Variants in ASPH observed in about 807,000 individuals in gnomAD.
ASPH encodes aspartyl/asparaginyl beta-hydroxylase.
A neutral mutation model predicts 118.4 loss-of-function variants in ASPH; 100 were observed. The observed-to-expected ratio is 0.84, with a 90% CI of 0.72 to 1.00. ASPH has a LOEUF of 1.00. ASPH is among the 50% of genes least tolerant of loss of function. The pLI is 0.00. For synonymous variants in ASPH, 315 were observed against 325.6 expected (o/e 0.97, Z 0.35); for missense variants, 920 against 919.5 (o/e 1.00, Z -0.01).
intron 15 of ASPH, chr8:61,583,202 C>G (rs1415150204): frequency 6.6e-6 from 1 of 151,960 alleles, no homozygotes; most frequent in Non-Finnish European, 1.5e-5. Context: ...CTTTTTGCAT[C>G]AAGGAGCTAT....
At chr8:61,577,701 TGAG>T (rs1835823920) in intron 15 of ASPH, among the ~76,000 whole-genome samples, 1 of 151,684 alleles carries the variant, frequency 6.6e-6, no homozygotes, top group Non-Finnish European at 1.5e-5. Context: ...GAGAGAAGAG[TGAG>T]GAGCGAAGGG....
At chr8:61,695,587 C>T (rs1480628281) in intron 1 of ASPH, among the ~76,000 whole-genome samples, 2 of 152,226 alleles carry the variant, frequency 1.3e-5, no homozygotes, top group African/African-American at 4.8e-5. Context: ...TTCCTCACTT[C>T]CCTTACTCTC....
intron 14 of ASPH, among the ~76,000 whole-genome samples, chr8:61,597,413 C>G (rs1337590113): frequency 6.6e-6 from 1 of 151,956 alleles, no homozygotes; most frequent in Non-Finnish European, 1.5e-5. Flanking sequence ...ATAAATCAAC[C>G]AAATAACCAA....
intron 3 of ASPH, chr8:61,675,730 C>A: frequency 9.5e-7 from 1 of 1,057,986 alleles, no homozygotes; most frequent in Non-Finnish European, 1.1e-6. Flanking sequence ...CAAGGGTTAA[C>A]CACAACACAA....
At chr8:61,601,937 T>G (rs912695621) in intron 14 of ASPH, among the ~76,000 whole-genome samples, 4 of 151,440 alleles carry the variant, frequency 2.6e-5, no homozygotes, top group Admixed American at 2.6e-4. Context: ...AATAAACAAA[T>G]AACCTGAATA....
intron 18 of ASPH, among the ~76,000 whole-genome samples, chr8:61,561,125 A>T (rs1829787476): frequency 9.9e-6 from 1 of 101,418 alleles, no homozygotes; most frequent in Non-Finnish European, 2.0e-5. Flanking sequence ...GGAGGGAGGG[A>T]GGGAGGGAGG....
Position 61,560,347 on chromosome 8 carries a change from T to C in ASPH, c.1437+2397A>G, listed in dbSNP as rs978741220. On this transcript the variant is annotated intron_variant, in intron 18 of 24. Coordinates refer to ENST00000379454, the MANE Select transcript of ASPH (RefSeq NM_004318.4). The stretch of plus-strand genomic sequence containing the variant: ...CACACCATTTTAAAGCCAGTTTCTT[T>C]GTTGCAACTAAAAGCAGCAAAAAGC... Among the ~76,000 whole-genome samples, 3 of 152,212 alleles carry C rather than the reference T, an allele frequency of 2.0e-5. No homozygotes were observed. The South Asian group carries it at 6.2e-4, about 32-fold the overall frequency.
rs539098564 is a variant in ASPH, at chr8:61,578,900, G to A, written c.1063-2042C>T. 1.2e-4 allele frequency: 198 copies of A among 1,612,252 alleles called. No homozygotes were observed. The African/African-American group carries it at 2.3e-3, about 18-fold the overall frequency. On this transcript the variant is annotated intron_variant, in intron 15 of 24. Transcript: ENST00000379454. ...ACGAGATCAACTTCCTCAGGCAGCT[G>A]TACGAAAAGGAGATCCGGGAGCTGC...
chr8:61,684,177 C>G lies in ASPH; in HGVS notation c.115G>C (p.Gly39Arg). Reference sequence around the variant, plus strand: ...CCTTTCCTCCCATTCTTGTGTCCTCCATGCTTTGTCTCTGTTTAGAAATAA... The same window carrying G: ...CCTTTCCTCCCATTCTTGTGTCCTCGATGCTTTGTCTCTGTTTAGAAATAA... Reference protein sequence around the residue: ...SPGARRETKHGGHKNGRKGGL... With the variant: ...SPGARRETKHRGHKNGRKGGL... The change falls in exon 2 of 25, where the codon GGA (glycine) becomes CGA (arginine). Residue 39 changes from glycine (G) to arginine (R), a missense_variant. Transcript: ENST00000379454. The G allele has an allele frequency of 6.2e-7, 1 of 1,611,718 alleles. No individual in the cohort carries two copies. Among genetic ancestry groups the G allele is most frequent in the Admixed American group, 1.7e-5 (1 of 59,614 alleles).
At chr8:61,611,413 A>C (rs918628064) in intron 14 of ASPH, among the ~76,000 whole-genome samples, 10 of 152,034 alleles carry the variant, frequency 6.6e-5, no homozygotes, top group African/African-American at 2.2e-4. Context: ...TCGGCCACAC[A>C]GGTCAGCTTT....
intron 14 of ASPH, among the ~76,000 whole-genome samples, chr8:61,598,359 T>C (rs1345659846): frequency 6.6e-6 from 1 of 152,148 alleles, no homozygotes; most frequent in African/African-American, 2.4e-5. Flanking sequence ...AGTAGCTATT[T>C]TATTATCAGA....
intron 14 of ASPH, among the ~76,000 whole-genome samples, chr8:61,617,619 C>T (rs959214863): frequency 6.6e-6 from 1 of 151,960 alleles, no homozygotes; most frequent in Non-Finnish European, 1.5e-5. Flanking sequence ...TTTAGAAATG[C>T]ATAACTAAGT....
At chr8:61,654,598 C>A (rs747634796) in intron 3 of ASPH, among the ~76,000 whole-genome samples, 1 of 152,098 alleles carries the variant, frequency 6.6e-6, no homozygotes, top group Non-Finnish European at 1.5e-5. Flanking sequence ...ATTTTCATTT[C>A]GATGTATTAC....
At chr8:61,548,885 C>CT (rs1185781907) in intron 20 of ASPH, among the ~76,000 whole-genome samples, 1 of 152,158 alleles carries the variant, frequency 6.6e-6, no homozygotes, top group Non-Finnish European at 1.5e-5. Context: ...CAACATGATA[C>CT]TACTTGCCTC....
intron 24 of ASPH, among the ~76,000 whole-genome samples, chr8:61,508,969 C>A (rs1254659481): frequency 6.6e-6 from 1 of 152,214 alleles, no homozygotes; most frequent in Non-Finnish European, 1.5e-5. Flanking sequence ...TGGGATGGCA[C>A]ACACTGTAAG....
At chr8:61,512,206 C>G (rs1451007007) in intron 24 of ASPH, among the ~76,000 whole-genome samples, 1 of 152,174 alleles carries the variant, frequency 6.6e-6, no homozygotes, top group Non-Finnish European at 1.5e-5. Context: ...GCCCTGTCCC[C>G]CTTCCCTGCT....
At chr8:61,548,506 G>A (rs1356293996) in intron 20 of ASPH, among the ~76,000 whole-genome samples, 1 of 152,110 alleles carries the variant, frequency 6.6e-6, no homozygotes, top group Non-Finnish European at 1.5e-5. Context: ...GTCCAGCAGG[G>A]AGTCGAGCAC....
intron 18 of ASPH, among the ~76,000 whole-genome samples, chr8:61,561,112 G>C (rs187754071): frequency 1.3e-4 from 5 of 39,896 alleles, no homozygotes; most frequent in Non-Finnish European, 2.6e-4. Flanking sequence ...GGGAGGGAGG[G>C]AGGGAGGGAG....
At chr8:61,544,751 C>A (rs939217408) in intron 21 of ASPH, among the ~76,000 whole-genome samples, 1 of 151,998 alleles carries the variant, frequency 6.6e-6, no homozygotes, top group African/African-American at 2.4e-5. Context: ...TTTTGAGAAC[C>A]CATCATGTAT....
Sources: allele counts gnomAD v4.1 joint callset (sites outside exome capture counted in the v4.1 genomes callset), GRCh38; gene constraint gnomAD v4.1.1; transcripts MANE v1.5; gene names NCBI Gene and HGNC (gene_info 2026-07-23, HGNC 2026-07-21).